Variants in CEP70 observed in about 807,000 individuals in gnomAD.
The protein encoded by CEP70 is centrosomal protein 70.
Under a neutral mutation model 90.9 loss-of-function variants are expected in CEP70, and 70 were observed. The observed-to-expected ratio is 0.77, with a 90% CI of 0.64 to 0.94. CEP70 has a LOEUF of 0.94. CEP70 is among the 40% of genes least tolerant of loss of function. The pLI is 0.00. For synonymous variants in CEP70, 220 were observed against 228.3 expected (o/e 0.96, Z 0.33); for missense variants, 648 against 669.0 (o/e 0.97, Z 0.35).
Position 138,570,337 on chromosome 3 carries a change from T to G in CEP70, c.446A>C (p.Lys149Thr), listed in dbSNP as rs764041380. The G allele has an allele frequency of 1.3e-6, 2 of 1,584,916 alleles. No individual in the cohort carries two copies. The highest frequency in any genetic ancestry group is 1.7e-6 in the Non-Finnish European group (2 of 1,170,302). ...HQQNKIKDLQKEQKTLQVKCQ... is the reference protein window; with the variant it reads ...HQQNKIKDLQTEQKTLQVKCQ... ...CAGTACCTGTAAAGTTTTCTGCTCC[T>G]TTTGAAGATCTTTTATTTTATTCTG... is the stretch of plus-strand genomic sequence containing the variant. The change falls in exon 6 of 18, where the codon AAG becomes ACG. Residue 149 changes from lysine (K) to threonine (T), a missense_variant. By Grantham distance (78) the Lys-to-Thr change is moderately conservative. Coordinates refer to ENST00000264982, the MANE Select transcript of CEP70 (RefSeq NM_024491.4).
intron 8 of CEP70, 115 bp downstream of exon 8, chr3:138,532,399 C>T (rs1289497775): frequency 5.9e-6 from 5 of 850,182 alleles, no homozygotes; most frequent in Non-Finnish European, 8.2e-6. Context: ...AAGAACTTCA[C>T]AGTGACATAT....
chr3:138,547,607 A>C (rs2107915849), intron 6 of CEP70, among the ~76,000 whole-genome samples: 1 of 152,330 alleles, frequency 6.6e-6, no homozygotes, highest in Middle Eastern at 3.4e-3. Context: ...AGTACTTCAC[A>C]GCTTCTCTTT....
chr3:138,512,421 T>C (rs58873565), intron 11 of CEP70, among the ~76,000 whole-genome samples: 8,755 of 152,236 alleles, frequency 0.058, 599 homozygotes, highest in East Asian at 0.38. Context: ...ATATTGCTGA[T>C]GATCCCCTCA....
At chr3:138,571,944 A>C (rs1254180444) in intron 3 of CEP70, among the ~76,000 whole-genome samples, 2 of 152,044 alleles carry the variant, frequency 1.3e-5, no homozygotes, top group Non-Finnish European at 2.9e-5. Context: ...ACGCCCGGCT[A>C]ATTTTTTGTA....
At chr3:138,593,765 C>T (rs917639025) in intron 1 of CEP70, 7 of 152,188 alleles carry the variant, frequency 4.6e-5, no homozygotes, top group African/African-American at 1.7e-4. Flanking sequence ...CCCAAACAAC[C>T]TTCGCGGTTG....
chr3:138,527,126 A>G (rs1225416430), intron 10 of CEP70, among the ~76,000 whole-genome samples: 1 of 152,130 alleles, frequency 6.6e-6, no homozygotes, highest in Non-Finnish European at 1.5e-5. Context: ...AAAGAGGGGC[A>G]GGAGGGATTA....
chr3:138,548,038 A>G (rs550434637), intron 6 of CEP70, among the ~76,000 whole-genome samples: 1 of 152,344 alleles, frequency 6.6e-6, no homozygotes, highest in Admixed American at 6.5e-5. Flanking sequence ...GGCCAACATT[A>G]TCCTGATACC....
At chr3:138,556,164 C>T (rs2039988347) in intron 6 of CEP70, among the ~76,000 whole-genome samples, 1 of 152,122 alleles carries the variant, frequency 6.6e-6, no homozygotes, top group African/African-American at 2.4e-5. Flanking sequence ...TGAAGTAACT[C>T]AGGAATGGAA....
chr3:138,525,344 A>G (rs1231653357), intron 11 of CEP70, 146 bp downstream of exon 11: 1 of 249,264 alleles, frequency 4.0e-6, no homozygotes, highest in African/African-American at 2.3e-5. Context: ...TAGCACACCA[A>G]CATGGCACAT....
chr3:138,537,032 C>T, intron 7 of CEP70, 146 bp downstream of exon 7: 1 of 423,630 alleles, frequency 2.4e-6, no homozygotes, highest in Non-Finnish European at 4.0e-6. Context: ...ACAGGATGAG[C>T]AGGGAAAAAC....
intron 6 of CEP70, among the ~76,000 whole-genome samples, chr3:138,561,781 T>C (rs2040424506): frequency 6.6e-6 from 1 of 152,098 alleles, no homozygotes; most frequent in Non-Finnish European, 1.5e-5. Context: ...ATCCCAGCAC[T>C]TTGGGAGTTC....
At chr3:138,527,670 G>A in intron 10 of CEP70, among the ~76,000 whole-genome samples, 1 of 147,942 alleles carries the variant, frequency 6.8e-6, no homozygotes, top group Admixed American at 6.7e-5. Flanking sequence ...ACTCCAGCCT[G>A]GGCGACAGAG....
In CEP70 at chr3:138,570,419, C is replaced by T. The variant is rs1453971819; in HGVS notation, c.364G>A (p.Val122Met). The T allele has an allele frequency of 2.5e-6, 4 of 1,610,028 alleles. No homozygotes were observed. The highest frequency in any genetic ancestry group is 3.3e-4 in the Middle Eastern group (2 of 6,056). Reference sequence around the variant, plus strand: ...TCCAATTCACCAATTTTGGATTTCACACTTTCCATAATTTGTTCCAAGTCA... The same window carrying T: ...TCCAATTCACCAATTTTGGATTTCATACTTTCCATAATTTGTTCCAAGTCA... ...ANDLEQIMES[V>M]KSKIGELEDE... The change falls in exon 6 of 18, where the codon GTG becomes ATG. Residue 122 changes from valine to methionine, a missense_variant. Physicochemically the swap from Val to Met is conservative, Grantham distance 21. Transcript: ENST00000264982.
Position 138,577,154 on chromosome 3 carries a change from T to C in CEP70, c.-5-4222A>G, listed in dbSNP as rs543201077. 2.0e-5 allele frequency among the ~76,000 whole-genome samples: 3 copies of C among 151,860 alleles called. No homozygotes were observed. The East Asian group carries it at 5.8e-4, about 29-fold the overall frequency. On this transcript the variant is annotated intron_variant, in intron 2 of 17. Transcript: ENST00000264982. ...GGTGGGAACTGAACAATGAGAACAC[T>C]TGGACACAGGAAGGGGAACATCACA...
intron 17 of CEP70, chr3:138,495,913 G>A: frequency 1.0e-6 from 1 of 985,334 alleles, no homozygotes; most frequent in Non-Finnish European, 1.2e-6. Flanking sequence ...CAAACCTCAA[G>A]TACAATATAT....
chr3:138,561,008 C>T (rs771954664), intron 6 of CEP70, among the ~76,000 whole-genome samples: 6 of 152,124 alleles, frequency 3.9e-5, no homozygotes, highest in African/African-American at 7.2e-5. Flanking sequence ...CTAGCACGTT[C>T]GAGCAGCAGA....
chr3:138,531,803 T>C (rs1248597834), intron 8 of CEP70, among the ~76,000 whole-genome samples: 1 of 151,626 alleles, frequency 6.6e-6, no homozygotes, highest in African/African-American at 2.4e-5. Context: ...AAAGTCACTA[T>C]TCTTGGGGCA....
At chr3:138,582,877 C>G (rs2041937742) in intron 2 of CEP70, among the ~76,000 whole-genome samples, 2 of 151,690 alleles carry the variant, frequency 1.3e-5, no homozygotes, top group South Asian at 2.1e-4. Flanking sequence ...AAATAAGAAG[C>G]AAGAAATTAA....
intron 16 of CEP70, chr3:138,499,806 A>ACACACACAC: frequency 3.7e-6 from 1 of 268,612 alleles, no homozygotes. Flanking sequence ...ACACACACAC[A>ACACACACAC]AATTAGCTGG....
Sources: allele counts gnomAD v4.1 joint callset (sites outside exome capture counted in the v4.1 genomes callset), GRCh38; gene constraint gnomAD v4.1.1; transcripts MANE v1.5; gene names NCBI Gene and HGNC (gene_info 2026-07-23, HGNC 2026-07-21).